Variants in NRXN3 observed in about 807,000 individuals in gnomAD.
The protein encoded by NRXN3 is neurexin 3, also known as neurexin III.
In NRXN3, 32 loss-of-function variants were observed where a neutral mutation model predicts 137.6. The ratio of observed to expected loss-of-function variants is 0.23; its 90% CI spans 0.18 to 0.31. The LOEUF is 0.31. NRXN3 is among the 10% of genes least tolerant of loss of function. NRXN3 has a pLI of 1.00. For missense variants in NRXN3, 1,574 were observed against 2,062.5 expected (o/e 0.76, Z 4.59); for synonymous variants, 798 against 784.5 (o/e 1.02, Z -0.29).
At chr14:78,738,055 G>A (rs1226163254) in intron 8 of NRXN3, among the ~76,000 whole-genome samples, 1 of 152,154 alleles carries the variant, frequency 6.6e-6, no homozygotes, top group Non-Finnish European at 1.5e-5. Context: ...TGGGGATTCA[G>A]GAGGGAATTT....
At chr14:78,841,365 T>A (rs570250290) in intron 10 of NRXN3, among the ~76,000 whole-genome samples, 35 of 152,150 alleles carry the variant, frequency 2.3e-4, no homozygotes, top group African/African-American at 8.2e-4. Context: ...TAGTGAATAA[T>A]TCTTTCTTTC....
chr14:78,363,321 A>C (rs2085411559), intron 4 of NRXN3, among the ~76,000 whole-genome samples: 1 of 152,206 alleles, frequency 6.6e-6, no homozygotes, highest in Admixed American at 6.5e-5. Flanking sequence ...AATGATAGCT[A>C]TGCCTCATTT....
intron 4 of NRXN3, among the ~76,000 whole-genome samples, chr14:78,558,885 A>G (rs2096762391): frequency 1.3e-5 from 2 of 152,246 alleles, no homozygotes. Context: ...ATCCTCATGG[A>G]CATGGCTAAT....
chr14:78,736,279 A>G (rs1170905919), intron 8 of NRXN3, among the ~76,000 whole-genome samples: 1 of 152,210 alleles, frequency 6.6e-6, no homozygotes, highest in African/African-American at 2.4e-5. Flanking sequence ...AAAAGGCAAG[A>G]TGGTGTGATG....
At chr14:79,358,543 C>CA (rs746639806) in intron 15 of NRXN3, among the ~76,000 whole-genome samples, 2 of 128,584 alleles carry the variant, frequency 1.6e-5, no homozygotes, top group Non-Finnish European at 3.2e-5. Context: ...TACTGCACTC[C>CA]AGCCTGACTC....
intron 1 of NRXN3, among the ~76,000 whole-genome samples, chr14:78,182,249 C>T (rs2059871715): frequency 6.6e-6 from 1 of 151,938 alleles, no homozygotes; most frequent in African/African-American, 2.4e-5. Flanking sequence ...TTATTGTTGC[C>T]TTGTTACGGA....
At chr14:78,561,647 A>G (rs2096787117) in intron 4 of NRXN3, among the ~76,000 whole-genome samples, 1 of 152,172 alleles carries the variant, frequency 6.6e-6, no homozygotes, top group African/African-American at 2.4e-5. Flanking sequence ...CCAAAATGAT[A>G]TGATTTTCAG....
In NRXN3 at chr14:79,050,620, T is replaced by C. The variant is rs78058738; in HGVS notation, c.3262+62479T>C. 1.7e-3 allele frequency among the ~76,000 whole-genome samples: 261 copies of C among 152,342 alleles called. 9 individuals carry two copies. In the East Asian group the frequency reaches 0.041, roughly 24 times the overall value. ...AAGGATGTCTGCACAAGAATATCCATGCATTCGTTCTTAGAATTTCAGGGC... is the reference window on the plus strand; with the variant it reads ...AAGGATGTCTGCACAAGAATATCCACGCATTCGTTCTTAGAATTTCAGGGC... On this transcript the variant is annotated intron_variant, in intron 15 of 20. Coordinates refer to ENST00000335750, the MANE Select transcript of NRXN3 (RefSeq NM_001330195.2).
chr14:79,217,414 G>T (rs1456734260), intron 15 of NRXN3, among the ~76,000 whole-genome samples: 2 of 152,052 alleles, frequency 1.3e-5, no homozygotes, highest in African/African-American at 4.8e-5. Flanking sequence ...CATTCATGAG[G>T]GATCCATCCC....
intron 4 of NRXN3, among the ~76,000 whole-genome samples, chr14:78,588,426 T>C (rs1291763263): frequency 1.3e-5 from 2 of 152,218 alleles, no homozygotes; most frequent in Non-Finnish European, 2.9e-5. Flanking sequence ...AAATGGGACA[T>C]GTCTCCTCTT....
At chr14:78,967,929 T>A (rs1388299256) in intron 13 of NRXN3, among the ~76,000 whole-genome samples, 1 of 152,112 alleles carries the variant, frequency 6.6e-6, no homozygotes, top group Non-Finnish European at 1.5e-5. Context: ...TGTTAATCTT[T>A]ACTCCATCTA....
intron 4 of NRXN3, among the ~76,000 whole-genome samples, chr14:78,552,294 C>A (rs543925248): frequency 2.4e-4 from 37 of 152,338 alleles, no homozygotes; most frequent in African/African-American, 8.7e-4. Flanking sequence ...TTCTTTTCTT[C>A]CTTCCTTTTG....
chr14:78,868,332 T>C (rs865857721), intron 10 of NRXN3, among the ~76,000 whole-genome samples: 20 of 152,148 alleles, frequency 1.3e-4, no homozygotes, highest in African/African-American at 4.8e-4. Context: ...CTCTCTGCAC[T>C]CAAAAGACAA....
intron 17 of NRXN3, among the ~76,000 whole-genome samples, chr14:79,672,091 A>C (rs922965172): frequency 1.3e-5 from 2 of 152,082 alleles, no homozygotes; most frequent in Non-Finnish European, 2.9e-5. Flanking sequence ...TTCACTTGTG[A>C]ACAGGGCATG....
Position 79,862,169 on chromosome 14 carries a change from G to A in NRXN3, c.*205G>A. Reference sequence around the variant, plus strand: ...CTCTCTCTAAAGCTCAGCCACGGCTGCGGCAAGGTCCCAGCGGTCGCTGGG... The same window carrying A: ...CTCTCTCTAAAGCTCAGCCACGGCTACGGCAAGGTCCCAGCGGTCGCTGGG... On this transcript the variant is annotated 3_prime_UTR_variant, in exon 21 of 21. Transcript: ENST00000335750. 1.8e-6 allele frequency: 1 copy of A among 550,770 alleles called. No homozygotes were observed. Among genetic ancestry groups the A allele is most frequent in the Non-Finnish European group, 3.2e-6 (1 of 309,926 alleles). The allele number at this position is 550,770 out of a possible 1,614,324, so 34.1% of individuals were successfully genotyped here. A position where few individuals can be genotyped will look rare whatever the true frequency, so the allele number is the denominator to read the frequency against.
chr14:78,741,063 T>C (rs2098567587), intron 8 of NRXN3, among the ~76,000 whole-genome samples: 1 of 152,154 alleles, frequency 6.6e-6, no homozygotes, highest in African/African-American at 2.4e-5. Flanking sequence ...CACCCTGGCA[T>C]GTTAGGTAGA....
chr14:78,541,155 T>C (rs957418624), intron 4 of NRXN3, among the ~76,000 whole-genome samples: 3 of 152,200 alleles, frequency 2.0e-5, no homozygotes, highest in Non-Finnish European at 2.9e-5. Flanking sequence ...TGAATTTGAA[T>C]GTTGGCCTGC....
chr14:79,786,780 C>CTATCTTAGAAT (rs2099130724), intron 19 of NRXN3, among the ~76,000 whole-genome samples: 1 of 152,158 alleles, frequency 6.6e-6, no homozygotes, highest in African/African-American at 2.4e-5. Flanking sequence ...TGTGAATATT[C>CTATCTTAGAAT]TAAGATAGAT....
At chr14:79,779,248 G>C (rs1449219036) in intron 19 of NRXN3, among the ~76,000 whole-genome samples, 1 of 152,074 alleles carries the variant, frequency 6.6e-6, no homozygotes, top group African/African-American at 2.4e-5. Context: ...CGAGTAGCTG[G>C]GATTACAAAC....
Sources: allele counts gnomAD v4.1 joint callset (sites outside exome capture counted in the v4.1 genomes callset), GRCh38; gene constraint gnomAD v4.1.1; transcripts MANE v1.5; gene names NCBI Gene and HGNC (gene_info 2026-07-23, HGNC 2026-07-21).